KNDC1: variants seen among roughly 807,000 people sequenced by gnomAD.
KNDC1 encodes the protein kinase non-catalytic C-lobe domain containing 1, also known as kinase non-catalytic C-lobe domain-containing protein 1.
A neutral mutation model predicts 172.8 loss-of-function variants in KNDC1; 106 were observed. That is an observed-to-expected ratio of 0.61 (90% confidence interval 0.52 to 0.72). The LOEUF is 0.72. Ranked by LOEUF, KNDC1 falls within the 30% of genes least tolerant of loss-of-function variation. KNDC1 has a pLI of 0.00. For synonymous variants in KNDC1, 1,083 were observed against 1,062.2 expected, an observed-to-expected ratio of 1.02 and a Z score of -0.38; for missense variants, 2,325 against 2,394.5, an observed-to-expected ratio of 0.97 and a Z score of 0.61.
chr10:133,193,640 T>G (rs1456814580), intron 9 of KNDC1, among the ~76,000 whole-genome samples: 1 of 152,204 alleles, frequency 6.6e-6, no homozygotes, highest in Non-Finnish European at 1.5e-5. Flanking sequence ...GACAGAGTAA[T>G]GTTTAGAAAC....
intron 9 of KNDC1, among the ~76,000 whole-genome samples, chr10:133,193,933 G>A (rs117008169): frequency 1.3e-5 from 2 of 152,208 alleles, no homozygotes. Context: ...AAGCAAAACT[G>A]ATAGAATTAA....
chr10:133,186,123 A>G lies in KNDC1; in HGVS notation c.775A>G (p.Thr259Ala), dbSNP rs367906466. ...GAGCCGGGGCCCCAGAGCCTCCCCA[A>G]CCAAGGCTCTGCTGTCCACCCCGGT... ...ETSRGPRASP[T>A]KALLSTPVRN... The change falls in exon 6 of 30, where the codon ACC (threonine) becomes GCC (alanine). Residue 259 changes from threonine (T) to alanine (A), a missense_variant. Transcript: ENST00000304613. The G allele has an allele frequency of 2.5e-6, 4 of 1,598,688 alleles. No individual in the cohort carries two copies. Among genetic ancestry groups the G allele is most frequent in the Non-Finnish European group, 2.6e-6 (3 of 1,173,476 alleles).
Position 133,195,757 on chromosome 10 carries a change from C to T in KNDC1, c.1670C>T (p.Thr557Ile). 1.2e-6 allele frequency: 2 copies of T among 1,609,650 alleles called. No homozygotes were observed. Among genetic ancestry groups the T allele is most frequent in the Non-Finnish European group, 1.7e-6 (2 of 1,178,492 alleles). ...HKLALPRRLK[T>I]LLLDMARRSA... is the part of the protein sequence containing the mutation. ...CTGGCCCTGCCACGCAGGCTCAAGACCCTCCTCCTGGACATGGCCAGGCGC... is the reference window on the plus strand; with the variant it reads ...CTGGCCCTGCCACGCAGGCTCAAGATCCTCCTCCTGGACATGGCCAGGCGC... Residue 557 changes from threonine to isoleucine, a missense_variant, in exon 10 of 30, where the codon ACC (threonine) becomes ATC (isoleucine). Thr to Ile is a moderately conservative substitution (Grantham distance 89). Transcript: ENST00000304613.
At chr10:133,204,956 A>G (rs910357861) in intron 17 of KNDC1, among the ~76,000 whole-genome samples, 3 of 151,410 alleles carry the variant, frequency 2.0e-5, no homozygotes, top group Non-Finnish European at 2.9e-5. Context: ...CCTGCTGCTC[A>G]AGGCCCAGCT....
intron 25 of KNDC1, 78 bp from the exon 26 acceptor site, chr10:133,213,894 C>A: frequency 1.3e-6 from 2 of 1,580,024 alleles, no homozygotes; most frequent in South Asian, 1.1e-5. Flanking sequence ...CCCAGCCCAC[C>A]CTGCACCAGC....
chr10:133,190,598 C>T (rs564065477), intron 9 of KNDC1, among the ~76,000 whole-genome samples: 6 of 152,356 alleles, frequency 3.9e-5, no homozygotes, highest in Admixed American at 2.6e-4. Context: ...CGGGAAAAAG[C>T]AATGGGCGCA....
At chr10:133,191,316 T>C (rs562217792) in intron 9 of KNDC1, among the ~76,000 whole-genome samples, 30 of 151,412 alleles carry the variant, frequency 2.0e-4, no homozygotes, top group Middle Eastern at 3.4e-3. Context: ...GGTGGGAGGA[T>C]TGTTTGAACC....
Position 133,210,612 on chromosome 10 carries a change from G to T in KNDC1, c.3796G>T (p.Asp1266Tyr). 6.2e-7 allele frequency: 1 copy of T among 1,601,016 alleles called. No homozygotes were observed. The highest frequency in any genetic ancestry group is 8.6e-7 in the Non-Finnish European group (1 of 1,168,382). The change falls in exon 21 of 30, where the codon GAT becomes TAT. Residue 1266 changes from aspartate (D) to tyrosine (Y), a missense_variant and splice_region_variant. Coordinates refer to ENST00000304613, the MANE Select transcript of KNDC1 (RefSeq NM_152643.8). ...ACCGCCGCCCGCCCCGCCCCACAGT[G>T]ATGCCTTCCTGGAGGGTTATGTGCA... Reference protein sequence around the residue: ...LGLMAYLYSSDAFLEGYVQQF... With the variant: ...LGLMAYLYSSYAFLEGYVQQF...
At chr10:133,206,985 T>G (rs1845214543) in intron 19 of KNDC1, 32 bp downstream of exon 19, 1 of 1,595,170 alleles carries the variant, frequency 6.3e-7, no homozygotes, top group Admixed American at 1.7e-5. Context: ...CTCTGCCCCG[T>G]GAGGCAGTAG....
Position 133,207,160 on chromosome 10 carries a change from C to T in KNDC1, c.3603C>T (p.Gly1201=). 6.2e-7 allele frequency: 1 copy of T among 1,601,002 alleles called. No homozygotes were observed. The highest frequency in any genetic ancestry group is 1.1e-5 in the South Asian group (1 of 89,880). Residue 1201 remains glycine (G), a synonymous_variant, in exon 20 of 30, where the codon GGC becomes GGT. Coordinates refer to ENST00000304613, the MANE Select transcript of KNDC1 (RefSeq NM_152643.8). ...AGGTCATGTACGCGGAACGCTGGGG[C>T]CTGGAGCCCTGCACCCTCCCAGTGA... ...YLQVMYAERW[G]LEPCTLPVIV...
At chr10:133,210,802 A>G in intron 21 of KNDC1, 78 bp downstream of exon 21, 2 of 1,198,334 alleles carry the variant, frequency 1.7e-6, no homozygotes, top group Non-Finnish European at 1.2e-6. Flanking sequence ...TGGTTTAGCC[A>G]CCATGAAGAA....
At chr10:133,173,980 T>G (rs1853452147) in intron 3 of KNDC1, 1 of 152,258 alleles carries the variant, frequency 6.6e-6, no homozygotes, top group Admixed American at 6.5e-5. Context: ...TGAGCACCAA[T>G]GGGCTCCAGT....
chr10:133,209,278 T>TGTGTGGTGTGGAGTATAGTGTGTGTG lies in KNDC1; in HGVS notation c.3795-1327_3795-1326insTGTGGAGTATAGTGTGTGTGGTGTGG, dbSNP rs58294045. Among the ~76,000 whole-genome samples, 5 of 149,092 alleles carry TGTGTGGTGTGGAGTATAGTGTGTGTG rather than the reference T, an allele frequency of 3.4e-5. No homozygotes were observed. Among genetic ancestry groups the TGTGTGGTGTGGAGTATAGTGTGTGTG allele is most frequent in the African/African-American group, 1.2e-4 (5 of 40,466 alleles). On this transcript the variant is annotated intron_variant, in intron 20 of 29. Coordinates refer to ENST00000304613, the MANE Select transcript of KNDC1 (RefSeq NM_152643.8). The surrounding 1 kb of genome is among the most constrained non-coding windows in gnomAD (Gnocchi z 4.9). ...GTGGTATGCGGTAGTGTGTGTGTGGTGTGTGGAGTATAGTGTGTGTGGTGT... is the reference window on the plus strand; with the variant it reads ...GTGGTATGCGGTAGTGTGTGTGTGGTGTGTGGTGTGGAGTATAGTGTGTGTGGTGTGGAGTATAGTGTGTGTGGTGT...
In KNDC1 at chr10:133,160,892, C is replaced by T. The variant is rs1337101722; in HGVS notation, c.102+323C>T. 2.6e-5 allele frequency among the ~76,000 whole-genome samples: 4 copies of T among 152,218 alleles called. No individual in the cohort carries two copies. In the East Asian group the frequency reaches 7.7e-4, roughly 29 times the overall value. On this transcript the variant is annotated intron_variant, in intron 1 of 29. Coordinates refer to ENST00000304613, the MANE Select transcript of KNDC1 (RefSeq NM_152643.8). ...GGTCTGCTTACTCCCTGCCGGGCCC[C>T]AGGAGGCCAGCGGGGTGCAGAGCAG...
intron 9 of KNDC1, among the ~76,000 whole-genome samples, chr10:133,191,461 AG>A (rs1040106456): frequency 6.6e-6 from 1 of 152,266 alleles, no homozygotes; most frequent in Admixed American, 6.5e-5. Context: ...GCACTTTGGG[AG>A]GCCAAGGCAG....
chr10:133,167,360 G>T (rs759825925), intron 1 of KNDC1, 21 bp from the exon 2 acceptor site: 1 of 1,548,910 alleles, frequency 6.5e-7, no homozygotes, highest in South Asian at 1.2e-5. Context: ...CCGGGCTCAC[G>T]GCCAGGGCCG....
intron 3 of KNDC1, among the ~76,000 whole-genome samples, chr10:133,170,864 A>C (rs944741627): frequency 6.6e-6 from 1 of 152,074 alleles, no homozygotes; most frequent in Admixed American, 6.5e-5. Flanking sequence ...CCCCAGCCCT[A>C]ACCCTAACTC....
chr10:133,223,362 T>C (rs12764379), intron 29 of KNDC1, among the ~76,000 whole-genome samples: 11 of 38,548 alleles, frequency 2.9e-4, no homozygotes, highest in Admixed American at 6.0e-4. Flanking sequence ...CATGCTCTTC[T>C]CGGCGTGTGT....
intron 1 of KNDC1, among the ~76,000 whole-genome samples, chr10:133,164,603 G>C (rs150910231): frequency 6.6e-6 from 1 of 152,334 alleles, no homozygotes; most frequent in South Asian, 2.1e-4. Context: ...AGGCCACCTC[G>C]GCAGCCCCGC....
Sources: allele counts gnomAD v4.1 joint callset (sites outside exome capture counted in the v4.1 genomes callset), GRCh38; gene constraint gnomAD v4.1.1; non-coding constraint Gnocchi (gnomAD v3.1); transcripts MANE v1.5; gene names NCBI Gene and HGNC (gene_info 2026-07-23, HGNC 2026-07-21).